The following EIF2AK3 variants were observed in gnomAD, a reference collection of about 807,000 sequenced individuals.
EIF2AK3 encodes the protein eukaryotic translation initiation factor 2-alpha kinase 3.
EIF2AK3 carries 50 observed loss-of-function variants against 113.5 expected under a neutral mutation model. That is an observed-to-expected ratio of 0.44 (90% CI 0.35 to 0.56). The LOEUF (loss-of-function observed/expected upper bound fraction) is 0.56. EIF2AK3 is among the 20% of genes least tolerant of loss of function. The probability of loss-of-function intolerance (pLI) is 0.00; values close to 1 mark genes in which losing one functional copy is unlikely to be tolerated. For missense variants in EIF2AK3, 1,185 were observed against 1,378.0 expected, an observed-to-expected ratio of 0.86 and a Z score of 2.22; for synonymous variants, 448 against 495.4, an observed-to-expected ratio of 0.90 and a Z score of 1.27.
chr2:88,606,845 C>T (rs926745886), intron 2 of EIF2AK3, among the ~76,000 whole-genome samples: 4 of 152,144 alleles, frequency 2.6e-5, no homozygotes, highest in African/African-American at 9.7e-5. Flanking sequence ...TCTGTTTCTG[C>T]ACCTGTCTGA....
At chr2:88,622,887 A>G (rs1409527434) in intron 1 of EIF2AK3, among the ~76,000 whole-genome samples, 1 of 152,234 alleles carries the variant, frequency 6.6e-6, no homozygotes, top group African/African-American at 2.4e-5. Flanking sequence ...AAAACGACAG[A>G]GGAAAAAAAG....
intron 2 of EIF2AK3, among the ~76,000 whole-genome samples, chr2:88,606,440 A>C (rs1675280866): frequency 6.6e-6 from 1 of 152,242 alleles, no homozygotes; most frequent in African/African-American, 2.4e-5. Flanking sequence ...AATTAAATTA[A>C]AGCACTGTTT....
intron 1 of EIF2AK3, among the ~76,000 whole-genome samples, chr2:88,616,554 G>A (rs1328026222): frequency 1.3e-5 from 2 of 152,008 alleles, no homozygotes; most frequent in East Asian, 1.9e-4. Flanking sequence ...AGCCTCCCAA[G>A]TAGCTGGGAT....
chr2:88,585,272 G>A lies in EIF2AK3; in HGVS notation c.1650+569C>T, dbSNP rs1042423440. 5.3e-5 allele frequency among the ~76,000 whole-genome samples: 8 copies of A among 152,120 alleles called. 1 individual carries two copies. The highest frequency in any genetic ancestry group is 4.2e-4 in the South Asian group (2 of 4,814). ...TTTCATGGCTTTCGTGACTGCATAC[G>A]GCAGTACGTTTCTTTGAGAGAGAAA... On this transcript the variant is annotated intron_variant, in intron 9 of 16. Coordinates refer to ENST00000303236, the MANE Select transcript of EIF2AK3 (RefSeq NM_004836.7).
At chr2:88,601,014 T>C (rs910286660) in intron 2 of EIF2AK3, among the ~76,000 whole-genome samples, 2 of 152,218 alleles carry the variant, frequency 1.3e-5, no homozygotes, top group African/African-American at 4.8e-5. Context: ...CCAACAATTA[T>C]CAACATTTTG....
At chr2:88,610,389 T>C (rs1035424326) in intron 2 of EIF2AK3, among the ~76,000 whole-genome samples, 2 of 152,326 alleles carry the variant, frequency 1.3e-5, no homozygotes, top group African/African-American at 4.8e-5. Flanking sequence ...TGTTCATTGA[T>C]ATGGTTTCTG....
At chr2:88,560,485 T>C (rs1468786112) in intron 15 of EIF2AK3, among the ~76,000 whole-genome samples, 2 of 152,212 alleles carry the variant, frequency 1.3e-5, no homozygotes, top group African/African-American at 4.8e-5. Context: ...TAATCATAGC[T>C]TACTGTAGCC....
Position 88,627,406 on chromosome 2 carries a change from C to CGTGTT in EIF2AK3, c.-137_-133dup. On this transcript the variant is annotated 5_prime_UTR_variant, in exon 1 of 17. Transcript: ENST00000303236. ...CGCCCCGACGGCCTGGACAGCCAGC[C>CGTGTT]GTGTTCCCCTGGCCACGTCTCAGCC... 2.6e-6 allele frequency: 3 copies of CGTGTT among 1,158,116 alleles called. No homozygotes were observed. The highest frequency in any genetic ancestry group is 3.3e-6 in the Non-Finnish European group (3 of 896,170). The allele number at this position is 1,158,116 out of a possible 1,614,324, so 71.7% of individuals were successfully genotyped here.
intron 8 of EIF2AK3, among the ~76,000 whole-genome samples, chr2:88,587,204 CAAAAAAAAAAAA>C (rs780050125): frequency 3.3e-5 from 1 of 30,262 alleles, no homozygotes; most frequent in Admixed American, 4.4e-4. Flanking sequence ...AACTCCATCT[CAAAAAAAAAAAA>C]AAAAAAAAAA....
intron 6 of EIF2AK3, among the ~76,000 whole-genome samples, chr2:88,589,655 T>C (rs1426610246): frequency 6.7e-6 from 1 of 149,552 alleles, no homozygotes; most frequent in Non-Finnish European, 1.5e-5. Flanking sequence ...TAATTATATA[T>C]GTAATACATA....
At chr2:88,561,004 C>T (rs1411867376) in intron 15 of EIF2AK3, among the ~76,000 whole-genome samples, 1 of 152,032 alleles carries the variant, frequency 6.6e-6, no homozygotes, top group Non-Finnish European at 1.5e-5. Context: ...GTGACAGAGG[C>T]CCACTTTATT....
intron 9 of EIF2AK3, among the ~76,000 whole-genome samples, chr2:88,584,918 C>T (rs1042349880): frequency 5.9e-5 from 9 of 152,004 alleles, no homozygotes; most frequent in Admixed American, 2.6e-4. Context: ...GGATGGGTCA[C>T]GTGCAGGCAG....
At chr2:88,626,840 C>A (rs1675873496) in intron 1 of EIF2AK3, 127 bp downstream of exon 1, 13 of 1,299,366 alleles carry the variant, frequency 1.0e-5, no homozygotes, top group Non-Finnish European at 1.4e-5. Context: ...GTCCCCAGGT[C>A]GCCAGCTGCC....
At chr2:88,593,536 A>G (rs1674936992) in intron 3 of EIF2AK3, 131 bp from the exon 4 acceptor site, 1 of 1,068,014 alleles carries the variant, frequency 9.4e-7, no homozygotes, top group African/African-American at 1.6e-5. Context: ...TACTCAAGTC[A>G]TAAGAAGCAT....
chr2:88,619,363 A>G lies in EIF2AK3; in HGVS notation c.309-5510T>C, dbSNP rs940992169. ...TGTTTGTACTACATGTTCTACCTAG[A>G]TGGTCAATGTCTACAGCTTCACCTC... On this transcript the variant is annotated intron_variant, in intron 1 of 16. Transcript: ENST00000303236. Among the ~76,000 whole-genome samples, 16 of 152,130 alleles carry G rather than the reference A, an allele frequency of 1.1e-4. 1 individual carries two copies. The highest frequency in any genetic ancestry group is 9.2e-4 in the Admixed American group (14 of 15,282).
chr2:88,595,900 C>T (rs62157774), intron 2 of EIF2AK3: 1 of 561,924 alleles, frequency 1.8e-6, no homozygotes, highest in East Asian at 3.3e-5. Context: ...ACATAGTACT[C>T]TAGTAAGATT....
chr2:88,567,668 TTTCTC>T lies in EIF2AK3; in HGVS notation c.2985+3201_2985+3205del, dbSNP rs568955458. Among the ~76,000 whole-genome samples, 596 of 152,316 alleles carry T rather than the reference TTTCTC, an allele frequency of 3.9e-3. 6 individuals are homozygous for T. Among genetic ancestry groups the T allele is most frequent in the African/African-American group, 0.014 (572 of 41,564 alleles). On this transcript the variant is annotated intron_variant, in intron 14 of 16. Coordinates refer to ENST00000303236, the MANE Select transcript of EIF2AK3 (RefSeq NM_004836.7). ...GATGTCTATTGCCAATTTTTATATA[TTTCTC>T]ATCTCAAATTAACTTTTAATAGGTA...
At position 88,579,552 on chromosome 2, in the gene EIF2AK3, T is replaced by G; in HGVS notation, c.1852A>C (p.Asn618His). The G allele has an allele frequency of 6.2e-7, 1 of 1,613,880 alleles. No homozygotes were observed. Among genetic ancestry groups the G allele is most frequent in the South Asian group, 1.1e-5 (1 of 91,082 alleles). ...AGACGGATCCTCTTGATAGCATAAT[T>G]GCAGTCATCTACTTTGTTTTTAGCT... Reference protein sequence around the residue: ...FEAKNKVDDCNYAIKRIRLPN... With the variant: ...FEAKNKVDDCHYAIKRIRLPN... The change falls in exon 11 of 17, where the codon AAT becomes CAT. Residue 618 changes from asparagine to histidine, a missense_variant. By Grantham distance (68) the Asn-to-His change is moderately conservative. Coordinates refer to ENST00000303236, the MANE Select transcript of EIF2AK3 (RefSeq NM_004836.7).
intron 4 of EIF2AK3, among the ~76,000 whole-genome samples, chr2:88,591,330 A>G (rs1261283491): frequency 6.6e-6 from 1 of 152,186 alleles, no homozygotes; most frequent in Non-Finnish European, 1.5e-5. Flanking sequence ...AAAAACTTAC[A>G]AATGTTTGTA....
Sources: allele counts gnomAD v4.1 joint callset (sites outside exome capture counted in the v4.1 genomes callset), GRCh38; gene constraint gnomAD v4.1.1; transcripts MANE v1.5; gene names NCBI Gene and HGNC (gene_info 2026-07-23, HGNC 2026-07-21).